The following NBAS variants were observed in gnomAD, a reference collection of about 807,000 sequenced individuals.
NBAS encodes the protein NBAS subunit of NRZ tethering complex, also known as NAG/BC035112 fusion.
In NBAS, 219 loss-of-function variants were observed where a neutral mutation model predicts 302.5. That is an observed-to-expected ratio of 0.72 (90% CI 0.65 to 0.81). NBAS has a LOEUF of 0.81. NBAS is among the 30% of genes least tolerant of loss of function. The probability of loss-of-function intolerance (pLI) is 0.00; values close to 1 mark genes in which losing one functional copy is unlikely to be tolerated. For missense variants in NBAS, 2,932 were observed against 2,841.6 expected (o/e 1.03, Z -0.72); for synonymous variants, 1,118 against 1,021.6 (o/e 1.09, Z -1.80).
the NBAS span, among the ~76,000 whole-genome samples, chr2:15,073,802 A>G: frequency 4.6e-5 from 7 of 152,324 alleles, no homozygotes; most frequent in East Asian, 1.3e-3. Flanking sequence ...ACACCAATAC[A>G]TTCTTTCTCA....
the NBAS span, among the ~76,000 whole-genome samples, chr2:14,899,122 G>A: frequency 3.3e-5 from 5 of 152,172 alleles, no homozygotes; most frequent in Admixed American, 6.5e-5. Flanking sequence ...AAAAGCAGGA[G>A]ATCCAAGAGG....
chr2:14,866,126 A>C, the NBAS span, among the ~76,000 whole-genome samples: 2 of 152,180 alleles, frequency 1.3e-5, no homozygotes, highest in Non-Finnish European at 2.9e-5. Flanking sequence ...TCCATGGAAC[A>C]AGGATCTGAT....
intron 20 of NBAS, 122 bp from the exon 21 acceptor site, chr2:15,461,459 A>T: frequency 9.6e-7 from 1 of 1,045,880 alleles, no homozygotes; most frequent in Non-Finnish European, 1.5e-6. Context: ...CCTTGAAATG[A>T]CCCTAGTTTT....
chr2:15,449,580 C>T (rs1246962197), intron 21 of NBAS, among the ~76,000 whole-genome samples: 6 of 115,260 alleles, frequency 5.2e-5, no homozygotes, highest in African/African-American at 1.9e-4. Flanking sequence ...TCAGAGAACT[C>T]GCCCTGAACC....
rs752203895 is a variant in NBAS at position 15,396,613 on chromosome 2, G to T, written c.3072-138C>A. Reference sequence around the variant, plus strand: ...TAACAATATTATCTAAATTCATTCAGCATTATTAATGATTCAAGAGAATTA... The same window carrying T: ...TAACAATATTATCTAAATTCATTCATCATTATTAATGATTCAAGAGAATTA... On this transcript the variant is annotated intron_variant, in intron 26 of 51. Transcript: ENST00000281513. The T allele has an allele frequency of 7.1e-6, 4 of 565,858 alleles. No homozygotes were observed. In the African/African-American group the frequency reaches 7.6e-5, roughly 11 times the overall value. 35.1% of individuals were successfully genotyped at this position (565,858 alleles called of 1,614,324 possible). A position where few individuals can be genotyped will look rare whatever the true frequency, so the allele number is the denominator to read the frequency against.
intron 32 of NBAS, among the ~76,000 whole-genome samples, chr2:15,356,953 G>T (rs1015023052): frequency 6.6e-6 from 1 of 152,148 alleles, no homozygotes; most frequent in Admixed American, 6.5e-5. Flanking sequence ...CCCTGTCCTT[G>T]GACATATCCT....
chr2:14,871,614 A>T, the NBAS span, among the ~76,000 whole-genome samples: 1 of 152,134 alleles, frequency 6.6e-6, no homozygotes, highest in Non-Finnish European at 1.5e-5. Context: ...TAACATGTGG[A>T]AGTAAAATGT....
Position 15,539,220 on chromosome 2 carries a change from T to A in NBAS, c.513+3A>T, listed in dbSNP as rs1337897909. 35 of 1,614,010 alleles carry A rather than the reference T, an allele frequency of 2.2e-5. No individual in the cohort carries two copies. The highest frequency in any genetic ancestry group is 4.0e-5 in the African/African-American group (3 of 74,908). On this transcript the variant is annotated splice_donor_region_variant and intron_variant, in intron 7 of 51. Coordinates refer to ENST00000281513, the MANE Select transcript of NBAS (RefSeq NM_015909.4). ...ATGTTTTCAATTTAAGCTATGTACATACCGGGGAAATGACAAAGAGTTCAC... is the reference window on the plus strand; with the variant it reads ...ATGTTTTCAATTTAAGCTATGTACAAACCGGGGAAATGACAAAGAGTTCAC...
intron 48 of NBAS, among the ~76,000 whole-genome samples, chr2:15,198,584 C>T (rs1475072756): frequency 6.6e-6 from 1 of 152,150 alleles, no homozygotes; most frequent in Non-Finnish European, 1.5e-5. Context: ...GGGGCCAGAA[C>T]ATGAGGACAA....
the NBAS span, among the ~76,000 whole-genome samples, chr2:14,913,826 G>T: frequency 1.3e-5 from 2 of 152,138 alleles, no homozygotes; most frequent in African/African-American, 4.8e-5. Context: ...AGACACCAAA[G>T]ATCTGTATTT....
At chr2:15,147,533 T>G in the NBAS span, among the ~76,000 whole-genome samples, 3 of 151,970 alleles carry the variant, frequency 2.0e-5, no homozygotes, top group Non-Finnish European at 4.4e-5. Context: ...TGGAGGTTGC[T>G]GTGAGCCAAG....
chr2:14,867,656 T>C, the NBAS span, among the ~76,000 whole-genome samples: 10 of 152,326 alleles, frequency 6.6e-5, no homozygotes, highest in East Asian at 5.8e-4. Context: ...TAATAGATCA[T>C]GCACATGATT....
the NBAS span, among the ~76,000 whole-genome samples, chr2:14,831,231 G>A: frequency 0.011 from 1,712 of 151,888 alleles, 36 homozygotes; most frequent in African/African-American, 0.038. Flanking sequence ...CCTTTAAATC[G>A]TCATTTCAGA....
In NBAS at chr2:15,232,476, G is replaced by A; in HGVS notation, c.6182C>T (p.Pro2061Leu). Residue 2061 changes from proline (P) to leucine (L), a missense_variant, in exon 47 of 52, where the codon CCA becomes CTA. Transcript: ENST00000281513. ...AACAACACCTTCCAGGACCTTCAGT[G>A]GGTCCCTTGGCCCACCAAGGTCAGC... Reference protein sequence around the residue: ...GSADLGGPRDPLKVLEGVVAA... With the variant: ...GSADLGGPRDLLKVLEGVVAA... The A allele has an allele frequency of 1.9e-6, 3 of 1,613,980 alleles. No homozygotes were observed. The highest frequency in any genetic ancestry group is 2.5e-6 in the Non-Finnish European group (3 of 1,180,000).
the NBAS span, among the ~76,000 whole-genome samples, chr2:15,047,792 C>G: frequency 6.6e-6 from 1 of 152,362 alleles, no homozygotes; most frequent in South Asian, 2.1e-4. Context: ...GCTCTGCAAG[C>G]AAGCAGACCT....
At chr2:15,376,219 T>C (rs1674729810) in intron 30 of NBAS, among the ~76,000 whole-genome samples, 1 of 152,190 alleles carries the variant, frequency 6.6e-6, no homozygotes, top group Non-Finnish European at 1.5e-5. Context: ...AATATAACTG[T>C]GAACACTGAA....
At chr2:15,417,501 A>T (rs932787097) in intron 24 of NBAS, 26 bp downstream of exon 24, 1 of 1,584,348 alleles carries the variant, frequency 6.3e-7, no homozygotes, top group African/African-American at 1.3e-5. Context: ...TAAAATATTT[A>T]AAAAGGAAGT....
the NBAS span, among the ~76,000 whole-genome samples, chr2:15,122,154 T>C: frequency 6.6e-6 from 1 of 151,862 alleles, no homozygotes; most frequent in East Asian, 1.9e-4. Flanking sequence ...TTTTCTTTTT[T>C]GCATTGTTTT....
chr2:14,846,169 CTAA>C, the NBAS span, among the ~76,000 whole-genome samples: 1 of 152,004 alleles, frequency 6.6e-6, no homozygotes, highest in Non-Finnish European at 1.5e-5. Flanking sequence ...AGAAAAGAAA[CTAA>C]TAACATACAC....
Sources: allele counts gnomAD v4.1 joint callset (sites outside exome capture counted in the v4.1 genomes callset), GRCh38; gene constraint gnomAD v4.1.1; transcripts MANE v1.5; gene names NCBI Gene and HGNC (gene_info 2026-07-23, HGNC 2026-07-21).